GNG2: variants seen among roughly 807,000 people sequenced by gnomAD.
The protein encoded by GNG2 is G protein subunit gamma 2.
GNG2 carries 5 observed loss-of-function variants against 5.5 expected under a neutral mutation model. That is an observed-to-expected ratio of 0.91 (90% CI 0.48 to 1.92). The LOEUF is 1.92. Ranked by LOEUF, GNG2 falls within the 30% of genes most tolerant of loss-of-function variation. The pLI is 0.01. For synonymous variants in GNG2, 28 were observed against 32.0 expected, an observed-to-expected ratio of 0.88 and a Z score of 0.42; for missense variants, 55 against 88.4, an observed-to-expected ratio of 0.62 and a Z score of 1.52.
chr14:51,963,386 C>G lies in GNG2; in HGVS notation c.88-3173C>G, dbSNP rs571142538. On this transcript the variant is annotated intron_variant, in intron 3 of 3. Coordinates refer to ENST00000556766, the MANE Select transcript of GNG2 (RefSeq NM_053064.5). ...GGTAGGGATGAACGGTGCTGCTTCT[C>G]CTCGTAACAAATGAGTTTTAGATAT... Among the ~76,000 whole-genome samples, 4 of 152,242 alleles carry G rather than the reference C, an allele frequency of 2.6e-5. No homozygotes were observed. The East Asian group carries it at 7.7e-4, about 29-fold the overall frequency.
rs192474990 is a variant in GNG2 at position 51,920,432 on chromosome 14, A to G, written c.-29-30218A>G. Among the ~76,000 whole-genome samples the G allele has an allele frequency of 1.1e-3, 169 of 151,900 alleles. 1 individual carries two copies. Among genetic ancestry groups the G allele is most frequent in the African/African-American group, 3.8e-3 (158 of 41,498 alleles). On this transcript the variant is annotated intron_variant, in intron 2 of 3. Coordinates refer to ENST00000556766, the MANE Select transcript of GNG2 (RefSeq NM_053064.5). ...TATACTATATTTTTAGAAAATAATT[A>G]CAAGAAAAAAGTCTGTACATATTCA...
chr14:51,868,401 G>A (rs1446139415), intron 1 of GNG2, among the ~76,000 whole-genome samples: 2 of 152,184 alleles, frequency 1.3e-5, no homozygotes, highest in Admixed American at 1.3e-4. Context: ...ACCATTGACA[G>A]AAATGACTTA....
At chr14:51,862,984 C>CTT (rs10699121) in intron 1 of GNG2, among the ~76,000 whole-genome samples, 57,857 of 142,944 alleles carry the variant, frequency 0.4, 12,262 homozygotes, top group South Asian at 0.51. Context: ...TTTAATTGTG[C>CTT]TTTTTTTTTT....
At chr14:51,885,748 ATAAATCT>A (rs1749367503) in intron 2 of GNG2, among the ~76,000 whole-genome samples, 1 of 152,234 alleles carries the variant, frequency 6.6e-6, no homozygotes, top group African/African-American at 2.4e-5. Context: ...ATCAAGGAAA[ATAAATCT>A]TAAAGCAGCT....
At chr14:51,966,209 CAAAAAAA>C (rs34653524) in intron 3 of GNG2, among the ~76,000 whole-genome samples, 10 of 28,138 alleles carry the variant, frequency 3.6e-4, no homozygotes, top group Admixed American at 7.0e-4. Flanking sequence ...GACTGCATCT[CAAAAAAA>C]AAAAAAAAAA....
At chr14:51,949,467 A>G (rs889969755) in intron 2 of GNG2, among the ~76,000 whole-genome samples, 2 of 152,182 alleles carry the variant, frequency 1.3e-5, no homozygotes, top group Admixed American at 1.3e-4. Context: ...TTTTCTTTTT[A>G]AGATAAGTAA....
At chr14:51,959,025 T>C (rs1382561521) in intron 3 of GNG2, among the ~76,000 whole-genome samples, 1 of 152,218 alleles carries the variant, frequency 6.6e-6, no homozygotes, top group Non-Finnish European at 1.5e-5. Flanking sequence ...TGATGACTCA[T>C]TGTGCCTTGA....
intron 2 of GNG2, among the ~76,000 whole-genome samples, chr14:51,908,969 G>A (rs1886127947): frequency 6.6e-6 from 1 of 151,694 alleles, no homozygotes; most frequent in African/African-American, 2.4e-5. Context: ...TAATACTAGG[G>A]TACAATATAG....
chr14:51,915,511 G>A (rs560012512), intron 2 of GNG2, among the ~76,000 whole-genome samples: 2 of 152,212 alleles, frequency 1.3e-5, no homozygotes, highest in Admixed American at 6.5e-5. Context: ...GAAACAAATC[G>A]AATTTGGGGT....
At chr14:51,881,701 CTTTTTTTT>C (rs58544362) in intron 2 of GNG2, among the ~76,000 whole-genome samples, 1 of 104,222 alleles carries the variant, frequency 9.6e-6, no homozygotes, top group Non-Finnish European at 1.9e-5. Context: ...AGCTGGAAGA[CTTTTTTTT>C]TTTTTTTTTT....
intron 2 of GNG2, among the ~76,000 whole-genome samples, chr14:51,947,813 G>A (rs533640710): frequency 2.0e-5 from 3 of 152,324 alleles, no homozygotes; most frequent in African/African-American, 7.2e-5. Context: ...GACTTTCCTT[G>A]ATGCTTGAAT....
At chr14:51,833,968 A>G (rs1198253062) in intron 2 of GNG2, among the ~76,000 whole-genome samples, 3 of 63,378 alleles carry the variant, frequency 4.7e-5, no homozygotes, top group Non-Finnish European at 1.2e-4. Context: ...CCATTCAACA[A>G]TAGCATCAGA....
intron 2 of GNG2, among the ~76,000 whole-genome samples, chr14:51,893,428 A>G (rs1884988130): frequency 6.6e-6 from 1 of 152,212 alleles, no homozygotes; most frequent in African/African-American, 2.4e-5. Context: ...CCATGTTTTT[A>G]TAAGGTTATT....
rs145794803 is a variant in GNG2, at chr14:51,892,775, C to T, written c.-30+15118C>T. 9.9e-5 allele frequency among the ~76,000 whole-genome samples: 15 copies of T among 152,260 alleles called. No homozygotes were observed. In the East Asian group the frequency reaches 2.7e-3, roughly 27 times the overall value. On this transcript the variant is annotated intron_variant, in intron 2 of 3. Transcript: ENST00000556766. ...GTATTATTCCACGTTTTTCTTCATG[C>T]TCATAAATGTGTAATAAACATATGT...
intron 2 of GNG2, chr14:51,878,035 C>T (rs1398145563): frequency 5.7e-6 from 1 of 174,962 alleles, no homozygotes; most frequent in Non-Finnish European, 1.2e-5. Context: ...AAAGGTAAAC[C>T]CTGTTCTTAA....
At chr14:51,906,076 A>G (rs899648915) in intron 2 of GNG2, among the ~76,000 whole-genome samples, 1 of 152,088 alleles carries the variant, frequency 6.6e-6, no homozygotes, top group Admixed American at 6.5e-5. Context: ...TTCCTTCTTC[A>G]CCCTTCTCAG....
At chr14:51,939,723 G>A (rs1304424865) in intron 2 of GNG2, 1 of 152,146 alleles carries the variant, frequency 6.6e-6, no homozygotes, top group South Asian at 2.1e-4. Context: ...CAGCAAGTTT[G>A]GTTGTTGGGG....
intron 2 of GNG2, among the ~76,000 whole-genome samples, chr14:51,890,904 T>TGG (rs1248200379): frequency 2.5e-5 from 1 of 39,796 alleles, no homozygotes; most frequent in Non-Finnish European, 5.0e-5. Flanking sequence ...ACATGGTATA[T>TGG]GAAATTGAGT....
At chr14:51,879,508 A>G (rs765925957) in intron 2 of GNG2, among the ~76,000 whole-genome samples, 8 of 152,192 alleles carry the variant, frequency 5.3e-5, no homozygotes, top group Non-Finnish European at 1.0e-4. Flanking sequence ...AACAACACAA[A>G]TGTATTATCT....
Sources: gnomAD v4.1 joint callset for allele counts (sites outside exome capture counted in the v4.1 genomes callset) on GRCh38, gnomAD v4.1.1 for gene constraint, MANE v1.5 for transcripts, NCBI Gene and HGNC (gene_info 2026-07-23, HGNC 2026-07-21) for gene names.